ZRANB3: variants seen among roughly 807,000 people sequenced by gnomAD.
ZRANB3 encodes the protein DNA annealing helicase and endonuclease ZRANB3.
In ZRANB3, 125 loss-of-function variants were observed where a neutral mutation model predicts 133.8. The ratio of observed to expected loss-of-function variants is 0.93; its 90% CI spans 0.81 to 1.08. The LOEUF is 1.08. Ranked by LOEUF, ZRANB3 falls within the 50% of genes least tolerant of loss-of-function variation. The probability of loss-of-function intolerance (pLI) is 0.00; values close to 1 mark genes in which losing one functional copy is unlikely to be tolerated. For synonymous variants in ZRANB3, 387 were observed against 432.7 expected (o/e 0.89, Z 1.31); for missense variants, 1,229 against 1,275.5 (o/e 0.96, Z 0.56).
intron 2 of ZRANB3, among the ~76,000 whole-genome samples, chr2:135,457,723 T>C (rs1259670705): frequency 6.6e-6 from 1 of 152,106 alleles, no homozygotes; most frequent in Non-Finnish European, 1.5e-5. Flanking sequence ...TACACTTTAT[T>C]GATGATGCCC....
chr2:135,250,784 T>C (rs1679354830), intron 12 of ZRANB3, among the ~76,000 whole-genome samples: 1 of 152,236 alleles, frequency 6.6e-6, no homozygotes, highest in African/African-American at 2.4e-5. Flanking sequence ...AATGACTGGA[T>C]GCCTAGGCAA....
chr2:135,361,617 T>C (rs539159493), intron 3 of ZRANB3, among the ~76,000 whole-genome samples: 49 of 152,336 alleles, frequency 3.2e-4, no homozygotes, highest in Middle Eastern at 6.8e-3. Context: ...AAGCAGCTTG[T>C]TCCTTTGAAG....
intron 3 of ZRANB3, among the ~76,000 whole-genome samples, chr2:135,363,234 T>A (rs1685768433): frequency 6.6e-6 from 1 of 152,144 alleles, no homozygotes. Context: ...AGTGGCATGA[T>A]CATAGTTCAT....
At chr2:135,417,047 T>C (rs1389754706) in intron 2 of ZRANB3, among the ~76,000 whole-genome samples, 1 of 152,160 alleles carries the variant, frequency 6.6e-6, no homozygotes, top group Admixed American at 6.5e-5. Context: ...GACACAGGCA[T>C]GGGCAAGGAC....
At chr2:135,524,576 C>A (rs1281733526) in intron 1 of ZRANB3, among the ~76,000 whole-genome samples, 1 of 151,758 alleles carries the variant, frequency 6.6e-6, no homozygotes. Flanking sequence ...TTTAACTTGA[C>A]AAAAATCTAA....
At chr2:135,463,745 G>C (rs1224260238) in intron 2 of ZRANB3, among the ~76,000 whole-genome samples, 10 of 152,128 alleles carry the variant, frequency 6.6e-5, no homozygotes, top group Admixed American at 6.5e-4. Context: ...ACAACTGCCT[G>C]TTACCCCTAT....
chr2:135,293,071 A>T (rs907502275), intron 8 of ZRANB3, among the ~76,000 whole-genome samples: 1 of 151,928 alleles, frequency 6.6e-6, no homozygotes, highest in Non-Finnish European at 1.5e-5. Context: ...TTGACTTGGC[A>T]ATGTGGGTTC....
intron 2 of ZRANB3, among the ~76,000 whole-genome samples, chr2:135,496,174 G>A (rs1692654816): frequency 6.6e-6 from 1 of 151,970 alleles, no homozygotes; most frequent in African/African-American, 2.4e-5. Context: ...CCTGAGATCA[G>A]GAGTTTGAGA....
chr2:135,437,728 T>TA (rs1352947024), intron 2 of ZRANB3, among the ~76,000 whole-genome samples: 1 of 152,182 alleles, frequency 6.6e-6, no homozygotes, highest in African/African-American at 2.4e-5. Context: ...TCAATTCTCA[T>TA]AAAAAACATC....
At chr2:135,466,955 G>A (rs947086757) in intron 2 of ZRANB3, among the ~76,000 whole-genome samples, 2 of 152,074 alleles carry the variant, frequency 1.3e-5, no homozygotes, top group African/African-American at 2.4e-5. Context: ...TACCGCGCCT[G>A]GCTTTATGAT....
At chr2:135,461,471 T>C (rs1690759961) in intron 2 of ZRANB3, among the ~76,000 whole-genome samples, 1 of 152,140 alleles carries the variant, frequency 6.6e-6, no homozygotes, top group Admixed American at 6.5e-5. Flanking sequence ...TTTGGGAGGC[T>C]GAGGCAGGAC....
At chr2:135,435,850 A>C (rs1190174835) in intron 2 of ZRANB3, among the ~76,000 whole-genome samples, 2 of 151,790 alleles carry the variant, frequency 1.3e-5, no homozygotes, top group East Asian at 3.9e-4. Context: ...TTCTCTTGTG[A>C]ATTTTTTTAA....
At chr2:135,290,373 G>T (rs1441516326) in intron 8 of ZRANB3, among the ~76,000 whole-genome samples, 1 of 152,118 alleles carries the variant, frequency 6.6e-6, no homozygotes, top group Non-Finnish European at 1.5e-5. Flanking sequence ...TTTAACTGTT[G>T]TTGCTTTAAA....
At chr2:135,370,029 GTTTCTTTT>G (rs1401268089) in intron 3 of ZRANB3, among the ~76,000 whole-genome samples, 1 of 105,102 alleles carries the variant, frequency 9.5e-6, no homozygotes, top group African/African-American at 4.1e-5. Context: ...GGGAGGGCAT[GTTTCTTTT>G]TTTTTTTTTT....
chr2:135,489,642 T>A (rs1349207545), intron 2 of ZRANB3, among the ~76,000 whole-genome samples: 3 of 150,162 alleles, frequency 2.0e-5, no homozygotes, highest in Non-Finnish European at 4.4e-5. Context: ...ATAAAAAAAA[T>A]ACATAAATAA....
intron 11 of ZRANB3, among the ~76,000 whole-genome samples, chr2:135,268,419 G>C (rs746287702): frequency 6.6e-5 from 10 of 151,988 alleles, no homozygotes; most frequent in African/African-American, 1.9e-4. Context: ...CACCCATCTC[G>C]ACCTCCCAAA....
chr2:135,235,081 G>T lies in ZRANB3; in HGVS notation c.1540-4154C>A, dbSNP rs915419612. Among the ~76,000 whole-genome samples, 5 of 151,832 alleles carry T rather than the reference G, an allele frequency of 3.3e-5. No individual in the cohort carries two copies. In the South Asian group the frequency reaches 6.2e-4, roughly 19 times the overall value. Reference sequence around the variant, plus strand: ...AAGAAAAGAGAAGAATCAAATAGACGCAATAAAAAATGATAAAGGGGATAT... The same window carrying T: ...AAGAAAAGAGAAGAATCAAATAGACTCAATAAAAAATGATAAAGGGGATAT... On this transcript the variant is annotated intron_variant, in intron 12 of 20. Coordinates refer to ENST00000264159, the MANE Select transcript of ZRANB3 (RefSeq NM_032143.4).
At position 135,419,538 on chromosome 2, in the gene ZRANB3, G is replaced by A. The variant is rs573087953; in HGVS notation, c.162-28718C>T. On this transcript the variant is annotated intron_variant, in intron 2 of 20. Transcript: ENST00000264159. ...AGTAAACTGTATGCATCTGTAGGGA[G>A]GTAACAGAAAACAAGGGTTTTTAAG... Among the ~76,000 whole-genome samples, 123 of 152,104 alleles carry A rather than the reference G, an allele frequency of 8.1e-4. 1 individual carries two copies. The highest frequency in any genetic ancestry group is 2.6e-3 in the African/African-American group (109 of 41,470).
At chr2:135,485,626 C>T (rs1692079818) in intron 2 of ZRANB3, among the ~76,000 whole-genome samples, 1 of 152,202 alleles carries the variant, frequency 6.6e-6, no homozygotes, top group Non-Finnish European at 1.5e-5. Flanking sequence ...CAGAATGATA[C>T]AGGCATACCT....
Sources: allele counts gnomAD v4.1 joint callset (sites outside exome capture counted in the v4.1 genomes callset), GRCh38; gene constraint gnomAD v4.1.1; transcripts MANE v1.5; gene names NCBI Gene and HGNC (gene_info 2026-07-23, HGNC 2026-07-21).